Variants in RPH3AL observed in about 807,000 individuals in gnomAD.
The protein encoded by RPH3AL is rab effector Noc2.
RPH3AL carries 38 observed loss-of-function variants against 43.1 expected under a neutral mutation model. The ratio of observed to expected loss-of-function variants is 0.88; its 90% CI spans 0.68 to 1.15. The LOEUF (loss-of-function observed/expected upper bound fraction) is 1.15. Among genes scored for constraint, RPH3AL ranks in the 50% most tolerant of loss-of-function variants. The pLI is 0.00. For synonymous variants in RPH3AL, 189 were observed against 176.3 expected (o/e 1.07, Z -0.57); for missense variants, 462 against 423.2 (o/e 1.09, Z -0.81).
At chr17:273,040 C>CGTCAGGGTGAGACCCCAGCGAGGGT (rs2042539251) in intron 6 of RPH3AL, among the ~76,000 whole-genome samples, 1 of 56,852 alleles carries the variant, frequency 1.8e-5, no homozygotes, top group African/African-American at 6.5e-5. Flanking sequence ...CCAGCGAGGG[C>CGTCAGGGTGAGACCCCAGCGAGGGT]GACGTCAGGG....
At chr17:242,870 T>C (rs1226282377) in intron 7 of RPH3AL, among the ~76,000 whole-genome samples, 3 of 134,168 alleles carry the variant, frequency 2.2e-5, no homozygotes, top group African/African-American at 8.2e-5. Flanking sequence ...TTGATTACCC[T>C]TCCTCTATTG....
At chr17:267,767 T>G (rs1017495811) in intron 6 of RPH3AL, among the ~76,000 whole-genome samples, 1 of 152,158 alleles carries the variant, frequency 6.6e-6, no homozygotes, top group Non-Finnish European at 1.5e-5. Context: ...AGCTCTTTGG[T>G]TTTTCCCTGC....
intron 5 of RPH3AL, among the ~76,000 whole-genome samples, chr17:282,277 G>A (rs542470618): frequency 9.8e-5 from 15 of 152,340 alleles, no homozygotes; most frequent in Admixed American, 6.5e-4. Context: ...ATACGTTTGC[G>A]TATAACCCGA....
At chr17:304,791 T>C (rs554991493) in intron 5 of RPH3AL, among the ~76,000 whole-genome samples, 71 of 151,782 alleles carry the variant, frequency 4.7e-4, no homozygotes, top group African/African-American at 1.6e-3. Flanking sequence ...CACGGAGCCA[T>C]TTACAAACAT....
Position 324,211 on chromosome 17 carries a change from C to T in RPH3AL, c.78-2796G>A, listed in dbSNP as rs529423614. On this transcript the variant is annotated intron_variant, in intron 3 of 9. Coordinates refer to ENST00000331302, the MANE Select transcript of RPH3AL (RefSeq NM_006987.4). ...GACCTGCCGAGTTCGTATCCAGCAG[C>T]TGCTGACAGCCCTGCTTGGGAGCAT... is the stretch of plus-strand genomic sequence containing the variant. Among the ~76,000 whole-genome samples, 413 of 152,330 alleles carry T rather than the reference C, an allele frequency of 2.7e-3. 1 individual carries two copies. The highest frequency in any genetic ancestry group is 8.7e-3 in the African/African-American group (362 of 41,570).
intron 6 of RPH3AL, among the ~76,000 whole-genome samples, chr17:256,098 T>C (rs1168873704): frequency 1.8e-4 from 3 of 16,370 alleles, no homozygotes; most frequent in African/African-American, 4.7e-4. Flanking sequence ...GTGACTACCC[T>C]ACGTACTTCC....
At chr17:334,164 C>T (rs2044876815) in intron 1 of RPH3AL, 1 of 153,478 alleles carries the variant, frequency 6.5e-6, no homozygotes, top group African/African-American at 2.4e-5. Context: ...CGTAAACGGG[C>T]CTTGGGAGCT....
At chr17:312,980 A>G (rs923886027) in intron 5 of RPH3AL, among the ~76,000 whole-genome samples, 2 of 152,196 alleles carry the variant, frequency 1.3e-5, no homozygotes, top group Non-Finnish European at 2.9e-5. Context: ...AGCCCCCAGC[A>G]CTGCGTGGCA....
chr17:232,059 C>T (rs1184478940), intron 7 of RPH3AL, among the ~76,000 whole-genome samples: 2 of 152,174 alleles, frequency 1.3e-5, no homozygotes, highest in Non-Finnish European at 2.9e-5. Flanking sequence ...TCTGGCTTAA[C>T]CAAGAGCTCC....
intron 6 of RPH3AL, among the ~76,000 whole-genome samples, chr17:262,450 G>A (rs992683487): frequency 2.6e-5 from 4 of 152,056 alleles, no homozygotes; most frequent in Non-Finnish European, 4.4e-5. Flanking sequence ...TGCTGACCTC[G>A]TGATCCACCC....
intron 5 of RPH3AL, among the ~76,000 whole-genome samples, chr17:286,979 G>A (rs866833521): frequency 0.025 from 528 of 21,506 alleles, 3 homozygotes; most frequent in South Asian, 0.055. Context: ...TCTCTCCACC[G>A]TCAGACCTCA....
chr17:315,224 GCCCCCACCTTCATTCAC>G (rs2151671380), intron 5 of RPH3AL, among the ~76,000 whole-genome samples: 1 of 836 alleles, frequency 1.2e-3, no homozygotes, highest in Non-Finnish European at 3.4e-3. Flanking sequence ...TAGTCTCTGT[GCCCCCACCTTCATTCAC>G]CTGTAGTCCC....
intron 6 of RPH3AL, among the ~76,000 whole-genome samples, chr17:271,828 G>C (rs1442097749): frequency 2.0e-5 from 3 of 152,138 alleles, no homozygotes; most frequent in Non-Finnish European, 4.4e-5. Context: ...GGCGAGAGAG[G>C]GCATCCCTGT....
At chr17:272,019 T>C (rs891128685) in intron 6 of RPH3AL, among the ~76,000 whole-genome samples, 2 of 152,218 alleles carry the variant, frequency 1.3e-5, no homozygotes, top group Admixed American at 6.5e-5. Context: ...TCACCATCAC[T>C]GGCCATCAGA....
chr17:345,066 T>G (rs986187938), intron 1 of RPH3AL, among the ~76,000 whole-genome samples: 2 of 135,406 alleles, frequency 1.5e-5, no homozygotes, highest in South Asian at 2.4e-4. Context: ...CCCAGGAGTT[T>G]GAATCCAGCC....
chr17:239,371 A>T (rs1329581632), intron 7 of RPH3AL, among the ~76,000 whole-genome samples: 1 of 152,232 alleles, frequency 6.6e-6, no homozygotes, highest in African/African-American at 2.4e-5. Context: ...ATCTAATTGC[A>T]CCAGCTCCAG....
At chr17:302,025 A>T (rs2043341488) in intron 5 of RPH3AL, among the ~76,000 whole-genome samples, 1 of 152,218 alleles carries the variant, frequency 6.6e-6, no homozygotes, top group South Asian at 2.1e-4. Flanking sequence ...GCACAGACTC[A>T]CTACGGCCTG....
In RPH3AL at chr17:323,465, C is replaced by T. The variant is rs2044535397; in HGVS notation, c.78-2050G>A. ...CAGGCCCCAAAAAGCAATATCCCCT[C>T]CACAACCCCTACCTACTGGTTTGTT... On this transcript the variant is annotated intron_variant, in intron 3 of 9. Transcript: ENST00000331302. The surrounding 1 kb of genome is among the most constrained non-coding windows in gnomAD (Gnocchi z 4.4). Among the ~76,000 whole-genome samples the T allele has an allele frequency of 6.6e-6, 1 of 152,152 alleles. No homozygotes were observed.
In RPH3AL at chr17:247,288, G is replaced by C. The variant is rs755452248; in HGVS notation, c.439-3C>G. 6.4e-7 allele frequency: 1 copy of C among 1,567,446 alleles called. No individual in the cohort carries two copies. Among genetic ancestry groups the C allele is most frequent in the South Asian group, 1.2e-5 (1 of 84,006 alleles). On this transcript the variant is annotated splice_polypyrimidine_tract_variant and splice_region_variant and intron_variant, in intron 6 of 9. Coordinates refer to ENST00000331302, the MANE Select transcript of RPH3AL (RefSeq NM_006987.4). ...CAGGCCCCCGACCTCTTCCAGACCT[G>C]AGTGGGGGAAGAGAGCTGCTTGGGG...
Sources: allele counts gnomAD v4.1 joint callset (sites outside exome capture counted in the v4.1 genomes callset), GRCh38; gene constraint gnomAD v4.1.1; non-coding constraint Gnocchi (gnomAD v3.1); transcripts MANE v1.5; gene names NCBI Gene and HGNC (gene_info 2026-07-23, HGNC 2026-07-21).